CYRIB: variants seen among roughly 807,000 people sequenced by gnomAD.
CYRIB encodes CYFIP-related Rac1 interactor B.
Under a neutral mutation model 44.2 loss-of-function variants are expected in CYRIB, and 8 were observed. That is an observed-to-expected ratio of 0.18 (90% confidence interval 0.11 to 0.33). The LOEUF is 0.33. Among genes scored for constraint, CYRIB ranks in the 10% least tolerant of loss-of-function variants. CYRIB has a pLI of 1.00. For synonymous variants in CYRIB, 131 were observed against 127.2 expected (o/e 1.03, Z -0.20); for missense variants, 185 against 382.8 (o/e 0.48, Z 4.31).
intron 1 of CYRIB, among the ~76,000 whole-genome samples, chr8:130,004,761 ATTTTTTTTTTT>A (rs775327457): frequency 8.1e-6 from 1 of 123,896 alleles, no homozygotes; most frequent in East Asian, 2.2e-4. Flanking sequence ...ATTGTCAGGA[ATTTTTTTTTTT>A]TTTTTTTTTT....
At chr8:129,968,249 TTC>T (rs1233760063) in intron 2 of CYRIB, among the ~76,000 whole-genome samples, 7 of 152,232 alleles carry the variant, frequency 4.6e-5, no homozygotes, top group African/African-American at 1.7e-4. Flanking sequence ...AGCTCATTAA[TTC>T]TCTCTTTAGC....
intron 1 of CYRIB, among the ~76,000 whole-genome samples, chr8:129,993,322 G>C (rs1007616091): frequency 3.4e-5 from 5 of 148,724 alleles, no homozygotes; most frequent in Admixed American, 3.3e-4. Context: ...GAACCCAGGA[G>C]GCAGAGGTTG....
intron 10 of CYRIB, among the ~76,000 whole-genome samples, chr8:129,848,704 G>A (rs2131347632): frequency 6.6e-6 from 1 of 151,890 alleles, no homozygotes; most frequent in Non-Finnish European, 1.5e-5. Context: ...ACGTAGCTGT[G>A]ACTACCGATG....
At chr8:129,939,969 G>T (rs1020637902), upstream of CYRIB, 2 of 152,368 alleles carry the variant, frequency 1.3e-5, no homozygotes, top group Admixed American at 6.5e-5. Context: ...CCTCCCGAAG[G>T]GGCGGGGCGA....
In CYRIB at chr8:130,013,059, C is replaced by G. The variant is rs144621744; in HGVS notation, c.-296+3311G>C. ...TTCCTTCTTTCAAGAAGCTCCAATT[C>G]AAGCTAAAACAGAGAGATGAATCTG... On this transcript the variant is annotated intron_variant, in intron 1 of 14. Transcript: ENST00000401979. Among the ~76,000 whole-genome samples the G allele has an allele frequency of 2.0e-4, 31 of 152,322 alleles. No homozygotes were observed. In the East Asian group the frequency reaches 4.8e-3, roughly 24 times the overall value.
chr8:129,957,089 T>G (rs2094893913), intron 2 of CYRIB, among the ~76,000 whole-genome samples: 1 of 152,112 alleles, frequency 6.6e-6, no homozygotes, highest in Non-Finnish European at 1.5e-5. Context: ...CTCAAACTCC[T>G]GGGCTCAAGC....
chr8:129,861,247 T>G (rs1377432059), intron 5 of CYRIB, among the ~76,000 whole-genome samples: 1 of 152,178 alleles, frequency 6.6e-6, no homozygotes, highest in Non-Finnish European at 1.5e-5. Flanking sequence ...AACAAAGAGC[T>G]AACTGGCTAA....
rs2097282328 is a variant in CYRIB at position 130,013,861 on chromosome 8, A to G, written c.-296+2509T>C. Reference sequence around the variant, plus strand: ...AAAAGAATGTACATCCTCAAAGAGCAAAGGGGAACCCATCATTCTTCTGCC... The same window carrying G: ...AAAAGAATGTACATCCTCAAAGAGCGAAGGGGAACCCATCATTCTTCTGCC... On this transcript the variant is annotated intron_variant, in intron 1 of 14. Coordinates refer to the CYRIB transcript ENST00000401979. Among the ~76,000 whole-genome samples the G allele has an allele frequency of 2.0e-5, 3 of 152,210 alleles. No homozygotes were observed. The South Asian group carries it at 6.2e-4, about 31-fold the overall frequency.
chr8:129,891,775 C>T (rs1200760488), intron 2 of CYRIB, among the ~76,000 whole-genome samples: 1 of 152,136 alleles, frequency 6.6e-6, no homozygotes, highest in Non-Finnish European at 1.5e-5. Flanking sequence ...GAGCTTCTGG[C>T]TATTATTCTA....
intron 2 of CYRIB, among the ~76,000 whole-genome samples, chr8:129,964,733 A>G (rs1300064397): frequency 6.6e-6 from 1 of 152,204 alleles, no homozygotes; most frequent in East Asian, 1.9e-4. Flanking sequence ...AAATGAAAAA[A>G]GTGAGCCAGG....
intron 2 of CYRIB, 140 bp downstream of exon 4, chr8:129,903,172 T>C (rs1421012843): frequency 6.6e-6 from 1 of 152,578 alleles, no homozygotes; most frequent in Non-Finnish European, 1.5e-5. Context: ...ACAATCAATA[T>C]TTCCTAACAA....
chr8:129,901,827 T>C (rs926944909), intron 2 of CYRIB: 4 of 152,254 alleles, frequency 2.6e-5, no homozygotes, highest in African/African-American at 9.6e-5. Flanking sequence ...TTATGATATA[T>C]AGTATATTTA....
chr8:129,941,019 A>C (rs916727693), upstream of CYRIB, among the ~76,000 whole-genome samples: 7 of 152,254 alleles, frequency 4.6e-5, no homozygotes, highest in African/African-American at 1.4e-4. Context: ...CAAAACACAG[A>C]AGGGCAGCCC....
At chr8:129,943,592 C>CTTTTT (rs1172470025), upstream of CYRIB, among the ~76,000 whole-genome samples, 4 of 96,210 alleles carry the variant, frequency 4.2e-5, no homozygotes, top group Non-Finnish European at 5.8e-5. Flanking sequence ...GAGACTCCAT[C>CTTTTT]TTTTTTTTTT....
chr8:129,859,572 C>T (rs2048213416), intron 5 of CYRIB, among the ~76,000 whole-genome samples: 1 of 152,180 alleles, frequency 6.6e-6, no homozygotes, highest in Admixed American at 6.5e-5. Context: ...CGGCCATCTT[C>T]CCAGACGCTG....
At chr8:129,922,336 T>C (rs1011298765) in intron 1 of CYRIB, among the ~76,000 whole-genome samples, 1 of 152,170 alleles carries the variant, frequency 6.6e-6, no homozygotes, top group Non-Finnish European at 1.5e-5. Flanking sequence ...TCCTTCCCAA[T>C]TTAAAGCCAT....
At chr8:129,847,075 A>G (rs1211749278) in intron 10 of CYRIB, 1 of 471,166 alleles carries the variant, frequency 2.1e-6, no homozygotes, top group African/African-American at 2.0e-5. Context: ...TCTTTTTGAG[A>G]ACAAAATCAG....
chr8:129,927,910 T>C (rs2088860902), intron 1 of CYRIB, among the ~76,000 whole-genome samples: 1 of 152,088 alleles, frequency 6.6e-6, no homozygotes, highest in Non-Finnish European at 1.5e-5. Flanking sequence ...AAGGATAGTC[T>C]TTTCAAAAAT....
At chr8:129,990,977 A>C (rs905694697) in intron 1 of CYRIB, among the ~76,000 whole-genome samples, 2 of 151,978 alleles carry the variant, frequency 1.3e-5, no homozygotes, top group African/African-American at 4.8e-5. Context: ...CTAAAAAGAC[A>C]AAAAATTAGC....
Sources: allele counts gnomAD v4.1 joint callset (sites outside exome capture counted in the v4.1 genomes callset), GRCh38; gene constraint gnomAD v4.1.1; transcripts MANE v1.5; gene names NCBI Gene and HGNC (gene_info 2026-07-23, HGNC 2026-07-21).